Variants in PPP2R3B observed in about 807,000 individuals in gnomAD.
PPP2R3B encodes the protein protein phosphatase 2 regulatory subunit B''beta.
A neutral mutation model predicts 72.9 loss-of-function variants in PPP2R3B; 68 were observed. The observed-to-expected ratio is 0.93, with a 90% CI of 0.77 to 1.14. PPP2R3B has a LOEUF of 1.14. PPP2R3B is among the 50% of genes most tolerant of loss of function. The pLI is 0.00. For synonymous variants in PPP2R3B, 466 were observed against 375.8 expected (o/e 1.24, Z -2.78); for missense variants, 1,018 against 842.0 (o/e 1.21, Z -2.59).
intron 2 of PPP2R3B, among the ~76,000 whole-genome samples, chrX:351,755 G>C (rs1359806848): frequency 2.0e-5 from 3 of 152,296 alleles, no homozygotes; most frequent in Admixed American, 2.0e-4. Context: ...CTGGAGTGCA[G>C]TGTGTGATCA....
At chrX:376,912 A>C (rs1229899006) in intron 1 of PPP2R3B, among the ~76,000 whole-genome samples, 1 of 54,136 alleles carries the variant, frequency 1.8e-5, no homozygotes, top group Non-Finnish European at 3.8e-5. Flanking sequence ...TGGGGCCGCC[A>C]TGGGGCTGTC....
chrX:386,101 A>G (rs746946149), intron 1 of PPP2R3B, among the ~76,000 whole-genome samples: 1 of 152,094 alleles, frequency 6.6e-6, no homozygotes, highest in Non-Finnish European at 1.5e-5. Flanking sequence ...ACAAATTAAA[A>G]TAATAAAATA....
chrX:338,538 C>T (rs937836525), intron 12 of PPP2R3B, 66 bp downstream of exon 12: 2 of 1,260,340 alleles, frequency 1.6e-6, no homozygotes, highest in African/African-American at 3.1e-5. Flanking sequence ...TCCCACTCAC[C>T]CGTCCTCCCC....
Position 341,891 on chromosome X carries a change from T to C in PPP2R3B, c.1077A>G (p.Ala359=). ...TKMIDRIFSG[A]VTRGRKVQKE... The stretch of plus-strand genomic sequence containing the variant: ...GCCTGAGCCGTACGTACCGTGTGAC[T>C]GCTCCTGAGAAGATCCTGTCTATCA... The change falls in exon 8 of 13, where the codon GCA becomes GCG. Residue 359 remains alanine (A), a synonymous_variant. Transcript: ENST00000390665. The C allele has an allele frequency of 6.2e-7, 1 of 1,612,706 alleles. No homozygotes were observed. Among genetic ancestry groups the C allele is most frequent in the Non-Finnish European group, 8.5e-7 (1 of 1,179,754 alleles).
intron 1 of PPP2R3B, among the ~76,000 whole-genome samples, chrX:382,861 G>T (rs1423126682): frequency 6.6e-6 from 1 of 152,116 alleles, no homozygotes; most frequent in East Asian, 1.9e-4. Flanking sequence ...ACACGTTTAA[G>T]GACAAAATGG....
At chrX:339,272 C>CAGG (rs1556105516) in intron 10 of PPP2R3B, among the ~76,000 whole-genome samples, 1 of 134,320 alleles carries the variant, frequency 7.4e-6, no homozygotes, top group Non-Finnish European at 1.6e-5. Flanking sequence ...GCCCCATGGC[C>CAGG]GGGGGGGGCA....
intron 2 of PPP2R3B, among the ~76,000 whole-genome samples, chrX:358,792 G>A (rs753041266): frequency 1.3e-5 from 2 of 151,644 alleles, no homozygotes; most frequent in South Asian, 2.1e-4. Flanking sequence ...CACCGCGGAG[G>A]GGGGGTGGCC....
At chrX:346,416 G>A in intron 5 of PPP2R3B, 156 bp from the exon 6 acceptor site, 2 of 728,810 alleles carry the variant, frequency 2.7e-6, no homozygotes, top group East Asian at 2.9e-5. Flanking sequence ...CCTGCGGGAG[G>A]CGCCGCCCCA....
chrX:347,542 G>GA (rs2071247571), intron 3 of PPP2R3B, 48 bp downstream of exon 3: 2 of 1,532,684 alleles, frequency 1.3e-6, no homozygotes, highest in African/African-American at 2.8e-5. Context: ...GGGACCCGGG[G>GA]ACGCCTCCGC....
At chrX:341,166 C>T in intron 9 of PPP2R3B, 141 bp downstream of exon 9, 2 of 788,608 alleles carry the variant, frequency 2.5e-6, no homozygotes, top group Non-Finnish European at 4.2e-6. Flanking sequence ...CTGTGCCGTG[C>T]AGCCCCCACC....
chrX:340,693 G>A (rs1387674708), intron 10 of PPP2R3B, 72 bp downstream of exon 10: 23 of 1,571,104 alleles, frequency 1.5e-5, no homozygotes, highest in Admixed American at 1.7e-5. Context: ...TCGCCCGTCC[G>A]TCCCCTCACC....
At chrX:344,946 G>C (rs2071164722) in intron 7 of PPP2R3B, 2 of 349,770 alleles carry the variant, frequency 5.7e-6, no homozygotes, top group Non-Finnish European at 1.1e-5. Context: ...CACACTTAAA[G>C]GAATCCTTTA....
At chrX:349,957 A>G (rs1187527361) in intron 2 of PPP2R3B, among the ~76,000 whole-genome samples, 8 of 152,142 alleles carry the variant, frequency 5.3e-5, no homozygotes, top group Admixed American at 5.2e-4. Flanking sequence ...GAGTCCAGCA[A>G]TCCCCATCCA....
intron 2 of PPP2R3B, among the ~76,000 whole-genome samples, chrX:349,888 G>C (rs1390250350): frequency 2.0e-5 from 3 of 152,162 alleles, no homozygotes; most frequent in Non-Finnish European, 4.4e-5. Flanking sequence ...TGAGTTCACA[G>C]ACTGCAGTTT....
intron 1 of PPP2R3B, among the ~76,000 whole-genome samples, chrX:369,212 T>C (rs1156739924): frequency 6.6e-6 from 1 of 152,178 alleles, no homozygotes; most frequent in Non-Finnish European, 1.5e-5. Flanking sequence ...TGCATGTATG[T>C]GGAAGAAGAA....
chrX:334,082 C>A lies in PPP2R3B; in HGVS notation c.*285G>T. ...TGCGCACACGGACCCTTTCCACAGA[C>A]GCAGGCCCCGGAACCCAGGCTGGGT... On this transcript the variant is annotated 3_prime_UTR_variant, in exon 13 of 13. Transcript: ENST00000390665. The A allele has an allele frequency of 3.0e-6, 1 of 336,650 alleles. No homozygotes were observed. The highest frequency in any genetic ancestry group is 2.2e-5 in the African/African-American group (1 of 46,454). 20.9% of individuals were successfully genotyped at this position (336,650 alleles called of 1,614,324 possible). A position where few individuals can be genotyped will look rare whatever the true frequency, so the allele number is the denominator to read the frequency against.
intron 1 of PPP2R3B, among the ~76,000 whole-genome samples, chrX:370,020 A>G (rs1242336577): frequency 1.3e-5 from 2 of 152,054 alleles, no homozygotes; most frequent in Non-Finnish European, 2.9e-5. Flanking sequence ...GCAAGCTCTG[A>G]GCATTCTTCT....
intron 1 of PPP2R3B, among the ~76,000 whole-genome samples, chrX:377,689 G>C: frequency 7.0e-6 from 1 of 142,812 alleles, no homozygotes. Flanking sequence ...GCCGCCATGG[G>C]GCTGTCTATA....
At position 334,027 on chromosome X, in the gene PPP2R3B, G is replaced by C. The variant is rs1279180919; in HGVS notation, c.*340C>G. ...GTGGTGGAGGCTCCTGTCCAGGACT[G>C]AGGCGCCCGGGAGCCGCCGGTCACC... On this transcript the variant is annotated 3_prime_UTR_variant, in exon 13 of 13. Coordinates refer to ENST00000390665, the MANE Select transcript of PPP2R3B (RefSeq NM_013239.5). 4.1e-6 allele frequency: 1 copy of C among 245,314 alleles called. No homozygotes were observed. The highest frequency in any genetic ancestry group is 7.8e-5 in the East Asian group (1 of 12,752). The allele number at this position is 245,314 out of a possible 1,614,324, so 15.2% of individuals were successfully genotyped here.
Sources: gnomAD v4.1 joint callset for allele counts (sites outside exome capture counted in the v4.1 genomes callset) on GRCh38, gnomAD v4.1.1 for gene constraint, MANE v1.5 for transcripts, NCBI Gene and HGNC (gene_info 2026-07-23, HGNC 2026-07-21) for gene names.